Variants in RPS6KC1 observed in about 807,000 individuals in gnomAD.
RPS6KC1 encodes inactive ribosomal protein S6 kinase delta-1.
RPS6KC1 carries 54 observed loss-of-function variants against 103.8 expected under a neutral mutation model. The observed-to-expected ratio is 0.52, with a 90% CI of 0.42 to 0.65. RPS6KC1 has a LOEUF of 0.65. Ranked by LOEUF, RPS6KC1 falls within the 30% of genes least tolerant of loss-of-function variation. RPS6KC1 has a pLI of 0.00. For synonymous variants in RPS6KC1, 439 were observed against 438.7 expected (o/e 1.00, Z -0.01); for missense variants, 1,151 against 1,253.8 (o/e 0.92, Z 1.24).
intron 2 of RPS6KC1, chr1:213,072,923 C>G: frequency 1.0e-6 from 1 of 982,070 alleles, no homozygotes; most frequent in Non-Finnish European, 1.2e-6. Context: ...TTTTCTTAGT[C>G]CTTTTTTCGG....
chr1:213,327,236 A>AAAAGAAAAGAAAGAAAG, the RPS6KC1 span, among the ~76,000 whole-genome samples: 4 of 144,584 alleles, frequency 2.8e-5, no homozygotes, highest in African/African-American at 5.2e-5. Flanking sequence ...GAAAGAAAAG[A>AAAAGAAAAGAAAGAAAG]AAAGAAAGAA....
chr1:213,605,928 A>AG, the RPS6KC1 span, among the ~76,000 whole-genome samples: 1 of 152,212 alleles, frequency 6.6e-6, no homozygotes, highest in Non-Finnish European at 1.5e-5. Flanking sequence ...AGGTTGAGGG[A>AG]GTGCAAACCA....
chr1:213,732,354 C>CGTGTGTGTGTGT, the RPS6KC1 span, among the ~76,000 whole-genome samples: 16 of 150,202 alleles, frequency 1.1e-4, no homozygotes, highest in Admixed American at 3.3e-4. Context: ...TATGAGTGTG[C>CGTGTGTGTGTGT]GTGTGCGTGT....
chr1:213,190,756 GTTTTC>G (rs1340401553), intron 8 of RPS6KC1, among the ~76,000 whole-genome samples: 2 of 152,124 alleles, frequency 1.3e-5, no homozygotes, highest in East Asian at 1.9e-4. Flanking sequence ...TTTCGCCAGT[GTTTTC>G]TTTTAGTTTC....
chr1:213,444,617 C>T, the RPS6KC1 span, among the ~76,000 whole-genome samples: 7 of 151,636 alleles, frequency 4.6e-5, no homozygotes, highest in African/African-American at 1.2e-4. Flanking sequence ...ATTAGCTGGG[C>T]GTGGTGGTGT....
chr1:213,758,594 A>G, the RPS6KC1 span, among the ~76,000 whole-genome samples: 2 of 150,980 alleles, frequency 1.3e-5, no homozygotes, highest in Non-Finnish European at 3.0e-5. Flanking sequence ...AAAAAAAAAA[A>G]TGTGATTCAT....
the RPS6KC1 span, among the ~76,000 whole-genome samples, chr1:213,606,244 C>T: frequency 6.6e-6 from 1 of 152,012 alleles, no homozygotes; most frequent in African/African-American, 2.4e-5. Flanking sequence ...GGAAAAAAAC[C>T]CTCTTATTTT....
intron 8 of RPS6KC1, among the ~76,000 whole-genome samples, chr1:213,191,883 A>G (rs1319429967): frequency 1.3e-5 from 2 of 151,900 alleles, no homozygotes; most frequent in Non-Finnish European, 2.9e-5. Flanking sequence ...ATCTCGGCTC[A>G]CTGCAACCTC....
chr1:213,386,623 G>A, the RPS6KC1 span, among the ~76,000 whole-genome samples: 2 of 152,172 alleles, frequency 1.3e-5, no homozygotes, highest in South Asian at 2.1e-4. Context: ...TAACTCACCT[G>A]TCCTCTTTCA....
chr1:213,441,980 T>C, the RPS6KC1 span, among the ~76,000 whole-genome samples: 1 of 152,238 alleles, frequency 6.6e-6, no homozygotes, highest in African/African-American at 2.4e-5. Flanking sequence ...TTATAAACTT[T>C]CAATTTTCAA....
At chr1:213,218,477 A>G (rs1413314959) in intron 8 of RPS6KC1, among the ~76,000 whole-genome samples, 2 of 152,244 alleles carry the variant, frequency 1.3e-5, no homozygotes, top group African/African-American at 4.8e-5. Flanking sequence ...TGCCATCCTC[A>G]TCAAGCTACC....
chr1:213,676,495 T>G, the RPS6KC1 span, among the ~76,000 whole-genome samples: 6 of 152,350 alleles, frequency 3.9e-5, no homozygotes, highest in Non-Finnish European at 8.8e-5. Flanking sequence ...AGAGGATGTC[T>G]TCTGAGAATG....
chr1:213,280,675 G>C, the RPS6KC1 span, among the ~76,000 whole-genome samples: 1 of 152,180 alleles, frequency 6.6e-6, no homozygotes, highest in African/African-American at 2.4e-5. Context: ...GGTTAAGTGT[G>C]TATGTGTGGG....
the RPS6KC1 span, among the ~76,000 whole-genome samples, chr1:213,638,562 T>G: frequency 8.9e-6 from 1 of 112,950 alleles, no homozygotes; most frequent in African/African-American, 5.3e-5. Context: ...TTGTTTTGGG[T>G]TTTTTTTGCA....
chr1:213,515,952 T>C, the RPS6KC1 span, among the ~76,000 whole-genome samples: 2 of 149,630 alleles, frequency 1.3e-5, no homozygotes, highest in Non-Finnish European at 3.0e-5. Context: ...TCACATCCCT[T>C]GTAAGTTGGA....
chr1:213,601,088 T>A, the RPS6KC1 span, among the ~76,000 whole-genome samples: 21 of 152,278 alleles, frequency 1.4e-4, no homozygotes, highest in African/African-American at 5.1e-4. Flanking sequence ...TGGTGCCAGA[T>A]TCAGGGTTTT....
the RPS6KC1 span, among the ~76,000 whole-genome samples, chr1:213,691,226 C>T: frequency 1.3e-5 from 2 of 152,356 alleles, no homozygotes; most frequent in Admixed American, 1.3e-4. Context: ...GCGATCTCAG[C>T]TTTAATTGAA....
At chr1:213,149,211 T>C (rs2088290652) in intron 6 of RPS6KC1, among the ~76,000 whole-genome samples, 1 of 152,188 alleles carries the variant, frequency 6.6e-6, no homozygotes, top group Non-Finnish European at 1.5e-5. Flanking sequence ...CATTTTGGGT[T>C]CGGTTTGCTC....
the RPS6KC1 span, among the ~76,000 whole-genome samples, chr1:213,468,403 C>T: frequency 6.6e-6 from 1 of 152,294 alleles, no homozygotes; most frequent in Admixed American, 6.5e-5. Flanking sequence ...CTGCCAACCT[C>T]AATTACTTCC....
Sources: allele counts gnomAD v4.1 joint callset (sites outside exome capture counted in the v4.1 genomes callset), GRCh38; gene constraint gnomAD v4.1.1; transcripts MANE v1.5; gene names NCBI Gene and HGNC (gene_info 2026-07-23, HGNC 2026-07-21).